SUCLA2: variants seen among roughly 807,000 people sequenced by gnomAD.
SUCLA2 encodes the protein succinate--CoA ligase [ADP-forming] subunit beta, mitochondrial.
A neutral mutation model predicts 54.8 loss-of-function variants in SUCLA2; 30 were observed. The ratio of observed to expected loss-of-function variants is 0.55; its 90% CI spans 0.41 to 0.74. The LOEUF (loss-of-function observed/expected upper bound fraction) is 0.74, where lower values mean the gene tolerates loss of function less well. SUCLA2 is among the 30% of genes least tolerant of loss of function. The probability of loss-of-function intolerance (pLI) is 0.00; values close to 1 mark genes in which losing one functional copy is unlikely to be tolerated. For missense variants in SUCLA2, 476 were observed against 562.9 expected (o/e 0.85, Z 1.56); for synonymous variants, 172 against 188.9 (o/e 0.91, Z 0.74).
intron 4 of SUCLA2, among the ~76,000 whole-genome samples, chr13:47,978,732 AC>A: frequency 6.6e-6 from 1 of 152,224 alleles, no homozygotes; most frequent in Non-Finnish European, 1.5e-5. Context: ...TGAACAGGCA[AC>A]CTACAGAATG....
chr13:47,958,020 T>C (rs1949835966), intron 6 of SUCLA2, among the ~76,000 whole-genome samples: 1 of 152,158 alleles, frequency 6.6e-6, no homozygotes, highest in Admixed American at 6.5e-5. Flanking sequence ...CCAGTGTTGT[T>C]TGGAATCTGG....
intron 4 of SUCLA2, among the ~76,000 whole-genome samples, chr13:47,979,064 G>C (rs1432228757): frequency 6.6e-6 from 1 of 152,212 alleles, no homozygotes; most frequent in Non-Finnish European, 1.5e-5. Flanking sequence ...TACACTTTTG[G>C]TGGGAGTGTA....
At chr13:47,975,401 T>G (rs1014008087) in intron 4 of SUCLA2, among the ~76,000 whole-genome samples, 4 of 152,082 alleles carry the variant, frequency 2.6e-5, no homozygotes. Flanking sequence ...CCTTAGGTGA[T>G]TCACCTCCCA....
intron 2 of SUCLA2, among the ~76,000 whole-genome samples, chr13:47,994,509 A>G (rs1239553917): frequency 7.0e-6 from 1 of 143,462 alleles, no homozygotes; most frequent in African/African-American, 2.6e-5. Flanking sequence ...CGGAGGTTGC[A>G]GTGAGCCGAG....
intron 6 of SUCLA2, among the ~76,000 whole-genome samples, chr13:47,955,422 G>C (rs546867030): frequency 1.3e-5 from 2 of 152,068 alleles, no homozygotes; most frequent in Non-Finnish European, 2.9e-5. Flanking sequence ...GGCTGGTCTC[G>C]AATTGCTGAC....
chr13:47,953,078 T>C (rs1054464422), intron 8 of SUCLA2, among the ~76,000 whole-genome samples: 1 of 152,130 alleles, frequency 6.6e-6, no homozygotes, highest in Non-Finnish European at 1.5e-5. Flanking sequence ...GGCCCATGTA[T>C]TTCCAAGTCC....
At chr13:47,949,686 A>C in intron 8 of SUCLA2, 83 bp from the exon 9 acceptor site, 1 of 1,366,798 alleles carries the variant, frequency 7.3e-7, no homozygotes, top group Admixed American at 1.8e-5. Context: ...TATGTGCTTC[A>C]TGATAAACAT....
chr13:47,960,014 G>C (rs1949855937), intron 6 of SUCLA2, among the ~76,000 whole-genome samples: 1 of 152,038 alleles, frequency 6.6e-6, no homozygotes, highest in South Asian at 2.1e-4. Flanking sequence ...TGGTGATATT[G>C]GTGGACTTAA....
intron 6 of SUCLA2, 64 bp from the exon 7 acceptor site, chr13:47,954,621 GT>G: frequency 1.3e-6 from 2 of 1,514,724 alleles, no homozygotes; most frequent in Non-Finnish European, 1.8e-6. Context: ...GTATCAAATA[GT>G]CAAATGGTCT....
At chr13:47,986,291 A>G (rs1950103983) in intron 4 of SUCLA2, among the ~76,000 whole-genome samples, 1 of 152,142 alleles carries the variant, frequency 6.6e-6, no homozygotes, top group South Asian at 2.1e-4. Context: ...TCGGCCTCCC[A>G]AAGTGCTGGG....
chr13:47,961,525 A>AT (rs35206863), intron 6 of SUCLA2, among the ~76,000 whole-genome samples: 1 of 151,846 alleles, frequency 6.6e-6, no homozygotes, highest in African/African-American at 2.4e-5. Context: ...ACCTCAAACT[A>AT]TTTTTTTTGG....
chr13:47,944,319 A>G (rs142417846), intron 10 of SUCLA2, among the ~76,000 whole-genome samples: 373 of 152,270 alleles, frequency 2.4e-3, no homozygotes, highest in African/African-American at 8.6e-3. Flanking sequence ...TGCTAATATC[A>G]TCATCATCTC....
At chr13:47,980,387 C>T (rs1326217498) in intron 4 of SUCLA2, among the ~76,000 whole-genome samples, 2 of 151,740 alleles carry the variant, frequency 1.3e-5, no homozygotes, top group African/African-American at 4.8e-5. Flanking sequence ...TGCACTCCAG[C>T]CTGGGTGACA....
chr13:47,981,979 T>C (rs938175567), intron 4 of SUCLA2, among the ~76,000 whole-genome samples: 15 of 152,162 alleles, frequency 9.9e-5, no homozygotes, highest in Non-Finnish European at 1.9e-4. Context: ...AGCGAGACTC[T>C]GTCTCAAAAA....
At chr13:47,984,628 T>C (rs73187796) in intron 4 of SUCLA2, among the ~76,000 whole-genome samples, 12,643 of 152,094 alleles carry the variant, frequency 0.083, 707 homozygotes, top group Non-Finnish European at 0.13. Flanking sequence ...TAAAGATCTG[T>C]AGCAGGGCAT....
intron 2 of SUCLA2, among the ~76,000 whole-genome samples, chr13:47,995,305 T>C (rs1950182693): frequency 4.1e-5 from 1 of 24,488 alleles, no homozygotes; most frequent in African/African-American, 3.0e-4. Flanking sequence ...GTTCCAATTA[T>C]AGGTCACCAT....
At chr13:47,992,579 G>A (rs1950158547) in intron 2 of SUCLA2, among the ~76,000 whole-genome samples, 2 of 152,164 alleles carry the variant, frequency 1.3e-5, no homozygotes, top group Non-Finnish European at 2.9e-5. Flanking sequence ...AACAGTGAGT[G>A]AGACCTCTCC....
At chr13:47,948,092 T>C (rs530631091) in intron 10 of SUCLA2, among the ~76,000 whole-genome samples, 3 of 152,308 alleles carry the variant, frequency 2.0e-5, no homozygotes, top group Admixed American at 1.3e-4. Context: ...TATACCATTA[T>C]CAATACCTTT....
At chr13:47,955,558 T>C (rs1022432892) in intron 6 of SUCLA2, among the ~76,000 whole-genome samples, 4 of 152,072 alleles carry the variant, frequency 2.6e-5, no homozygotes, top group Admixed American at 1.3e-4. Flanking sequence ...TTTTAAAGGA[T>C]TATGAAGTCA....
Sources: gnomAD v4.1 joint callset for allele counts (sites outside exome capture counted in the v4.1 genomes callset) on GRCh38, gnomAD v4.1.1 for gene constraint, MANE v1.5 for transcripts, NCBI Gene and HGNC (gene_info 2026-07-23, HGNC 2026-07-21) for gene names.